The following BZW2 variants were observed in gnomAD, a reference collection of about 807,000 sequenced individuals.
BZW2 encodes eIF5-mimic protein 1.
Under a neutral mutation model 53.2 loss-of-function variants are expected in BZW2, and 23 were observed. The observed-to-expected ratio is 0.43, with a 90% CI of 0.31 to 0.61. The LOEUF (loss-of-function observed/expected upper bound fraction) is 0.61, where lower values mean the gene tolerates loss of function less well. Among genes scored for constraint, BZW2 ranks in the 20% least tolerant of loss-of-function variants. The pLI is 0.09. For synonymous variants in BZW2, 227 were observed against 186.4 expected (o/e 1.22, Z -1.77); for missense variants, 409 against 503.1 (o/e 0.81, Z 1.79).
chr7:16,684,475 A>G (rs1783053437), intron 5 of BZW2, among the ~76,000 whole-genome samples: 2 of 152,146 alleles, frequency 1.3e-5, no homozygotes, highest in Admixed American at 6.5e-5. Context: ...TATTTTTATG[A>G]TGATCTAATT....
In BZW2 at chr7:16,686,165, T is replaced by C. The variant is rs548698311; in HGVS notation, c.541+125T>C. On this transcript the variant is annotated intron_variant, in intron 6 of 11. Transcript: ENST00000258761. The stretch of plus-strand genomic sequence containing the variant: ...TACTCATTCTTCATTTAAGAGAATA[T>C]CTTTGTATGGGTGTATATTGCCTTT... 2.6e-5 allele frequency: 37 copies of C among 1,398,124 alleles called. No individual in the cohort carries two copies. In the South Asian group the frequency reaches 4.6e-4, roughly 17 times the overall value. 86.6% of individuals were successfully genotyped at this position (1,398,124 alleles called of 1,614,324 possible). A position where few individuals can be genotyped will look rare whatever the true frequency, so the allele number is the denominator to read the frequency against.
intron 9 of BZW2, 100 bp from the exon 10 acceptor site, chr7:16,697,948 C>G: frequency 6.9e-7 from 1 of 1,446,138 alleles, no homozygotes; most frequent in South Asian, 1.3e-5. Context: ...GAAAGTCAGT[C>G]TTTTCTAAGC....
At chr7:16,651,345 G>A (rs1321104415) in intron 1 of BZW2, among the ~76,000 whole-genome samples, 1 of 152,156 alleles carries the variant, frequency 6.6e-6, no homozygotes, top group South Asian at 2.1e-4. Context: ...GGATAATAAC[G>A]TTTAGCACTG....
chr7:16,666,004 C>A (rs1195264604), intron 2 of BZW2, among the ~76,000 whole-genome samples: 1 of 152,100 alleles, frequency 6.6e-6, no homozygotes, highest in Non-Finnish European at 1.5e-5. Flanking sequence ...TAGTTATAGA[C>A]CCATTTTGAT....
intron 1 of BZW2, among the ~76,000 whole-genome samples, chr7:16,650,890 T>C (rs1781969274): frequency 6.6e-6 from 1 of 152,216 alleles, no homozygotes; most frequent in Admixed American, 6.5e-5. Context: ...TTGTAAACTA[T>C]CTATTTTGAA....
intron 2 of BZW2, 39 bp from the exon 3 acceptor site, chr7:16,674,373 T>A: frequency 6.9e-7 from 1 of 1,454,100 alleles, no homozygotes; most frequent in Non-Finnish European, 9.4e-7. Flanking sequence ...CAGTATTTAT[T>A]TATTTATTTG....
At position 16,704,968 on chromosome 7, in the gene BZW2, G is replaced by A. The variant is rs532389505; in HGVS notation, c.1231+299G>A. Among the ~76,000 whole-genome samples the A allele has an allele frequency of 3.9e-5, 6 of 152,274 alleles. No individual in the cohort carries two copies. The South Asian group carries it at 8.3e-4, about 21-fold the overall frequency. ...AGAAAAATACATTTAGCTTAATCAC[G>A]CATTATGGAATTCTATAGATTTTTA... On this transcript the variant is annotated intron_variant, in intron 11 of 11. Coordinates refer to ENST00000258761, the MANE Select transcript of BZW2 (RefSeq NM_014038.3).
At chr7:16,684,555 G>A (rs1269603076) in intron 5 of BZW2, among the ~76,000 whole-genome samples, 1 of 152,014 alleles carries the variant, frequency 6.6e-6, no homozygotes. Context: ...TTAAAGAAGT[G>A]GTGTTAAAAT....
Position 16,665,507 on chromosome 7 carries a change from T to A in BZW2, c.58+6T>A. On this transcript the variant is annotated splice_donor_region_variant and intron_variant, in intron 2 of 11. Coordinates refer to ENST00000258761, the MANE Select transcript of BZW2 (RefSeq NM_014038.3). ...GTTCAAAACTCGGAAAAGGGGTAGG[T>A]TGTGTGTGTGTGTGTGTGTGTGTTT... 6.5e-7 allele frequency: 1 copy of A among 1,548,052 alleles called. No individual in the cohort carries two copies. Among genetic ancestry groups the A allele is most frequent in the Non-Finnish European group, 8.8e-7 (1 of 1,129,986 alleles).
At chr7:16,664,746 A>G (rs1782368565) in intron 1 of BZW2, among the ~76,000 whole-genome samples, 1 of 152,232 alleles carries the variant, frequency 6.6e-6, no homozygotes, top group Non-Finnish European at 1.5e-5. Flanking sequence ...TGCTGCAACT[A>G]AATCCTTTTA....
intron 7 of BZW2, among the ~76,000 whole-genome samples, chr7:16,694,116 G>A (rs919215476): frequency 2.6e-5 from 4 of 152,186 alleles, no homozygotes; most frequent in African/African-American, 9.7e-5. Context: ...ATGACTAAGT[G>A]TTACTGAGAT....
intron 7 of BZW2, 82 bp from the exon 8 acceptor site, chr7:16,694,752 A>C (rs1562495704): frequency 1.8e-6 from 2 of 1,127,624 alleles, no homozygotes; most frequent in Non-Finnish European, 2.4e-6. Context: ...GAGATATTCT[A>C]AGTGAAATGA....
At chr7:16,699,637 G>A (rs755083934) in intron 10 of BZW2, among the ~76,000 whole-genome samples, 1 of 151,830 alleles carries the variant, frequency 6.6e-6, no homozygotes, top group Admixed American at 6.6e-5. Flanking sequence ...CTGAGACATC[G>A]TTGTCGGAGT....
At chr7:16,666,091 T>G (rs970828395) in intron 2 of BZW2, among the ~76,000 whole-genome samples, 4 of 152,058 alleles carry the variant, frequency 2.6e-5, no homozygotes, top group African/African-American at 9.7e-5. Flanking sequence ...TTTGTGTAAA[T>G]AATATTTTAT....
chr7:16,669,995 C>T (rs973858352), intron 2 of BZW2, among the ~76,000 whole-genome samples: 5 of 152,224 alleles, frequency 3.3e-5, no homozygotes, highest in African/African-American at 1.2e-4. Flanking sequence ...GAAAAAGACT[C>T]TTTAGTTCCA....
In BZW2 at chr7:16,682,750, C is replaced by T. The variant is rs201583635; in HGVS notation, c.340-30C>T. The T allele has an allele frequency of 1.1e-3, 1,648 of 1,447,642 alleles. 3 individuals are homozygous for T. Among genetic ancestry groups the T allele is most frequent in the Non-Finnish European group, 1.3e-3 (1,388 of 1,062,890 alleles). 89.7% of individuals were successfully genotyped at this position (1,447,642 alleles called of 1,614,324 possible). On this transcript the variant is annotated intron_variant, in intron 4 of 11. Transcript: ENST00000258761. ...CCTACTTCTGTGTCTTTTTGGTTGA[C>T]CTAATATTTAATGGTTGTTTTTTTT...
intron 3 of BZW2, among the ~76,000 whole-genome samples, chr7:16,675,318 T>C (rs1782732539): frequency 6.6e-6 from 1 of 152,226 alleles, no homozygotes; most frequent in Non-Finnish European, 1.5e-5. Flanking sequence ...TTTGCAAATG[T>C]GTGCAAGTGT....
intron 10 of BZW2, 99 bp downstream of exon 10, chr7:16,698,285 T>A: frequency 6.8e-7 from 1 of 1,464,510 alleles, no homozygotes; most frequent in Non-Finnish European, 9.4e-7. Flanking sequence ...GGGCTCTGTT[T>A]AGAGAGGGAC....
intron 5 of BZW2, among the ~76,000 whole-genome samples, chr7:16,685,408 T>G (rs1172992550): frequency 1.3e-5 from 2 of 151,108 alleles, no homozygotes; most frequent in African/African-American, 4.9e-5. Flanking sequence ...TTCGACTCTT[T>G]CCTGTTTTTT....
Sources: allele counts gnomAD v4.1 joint callset (sites outside exome capture counted in the v4.1 genomes callset), GRCh38; gene constraint gnomAD v4.1.1; transcripts MANE v1.5; gene names NCBI Gene and HGNC (gene_info 2026-07-23, HGNC 2026-07-21).